Variants in SMIM45 observed in about 807,000 individuals in gnomAD.
SMIM45 encodes the protein small integral membrane protein 45, also known as long intergenic non-protein coding RNA 634.
At chr22:41,958,553 T>G in the SMIM45 span, 2 of 355,594 alleles carry the variant, frequency 5.6e-6, no homozygotes, top group African/African-American at 2.2e-5. Context: ...TGTGTATATG[T>G]GAGAGAGAGT....
At chr22:41,953,740 GTTT>G in the SMIM45 span, among the ~76,000 whole-genome samples, 41 of 89,302 alleles carry the variant, frequency 4.6e-4, no homozygotes, top group African/African-American at 1.3e-3. Flanking sequence ...TCTGTGATCT[GTTT>G]TTTTTTTTTT....
At chr22:41,951,861 TC>T in the SMIM45 span, among the ~76,000 whole-genome samples, 1 of 152,056 alleles carries the variant, frequency 6.6e-6, no homozygotes, top group African/African-American at 2.4e-5. Flanking sequence ...ATCTCCCTGC[TC>T]CCCAAATGGC....
the SMIM45 span, among the ~76,000 whole-genome samples, chr22:41,957,417 T>C: frequency 1.3e-5 from 2 of 150,476 alleles, no homozygotes; most frequent in African/African-American, 4.9e-5. Flanking sequence ...TTAGCCAGGA[T>C]GGTCTTGATC....
At chr22:41,949,059 C>G in the SMIM45 span, among the ~76,000 whole-genome samples, 6 of 151,358 alleles carry the variant, frequency 4.0e-5, no homozygotes, top group African/African-American at 4.8e-5. Context: ...GAGCGAAACT[C>G]CATCACAAAA....
chr22:41,957,778 G>A, the SMIM45 span: 1 of 153,994 alleles, frequency 6.5e-6, no homozygotes, highest in Non-Finnish European at 1.5e-5. Context: ...ACTACTTCGA[G>A]CCGGGCCTGC....
the SMIM45 span, among the ~76,000 whole-genome samples, chr22:41,949,550 G>C: frequency 6.0e-3 from 921 of 152,336 alleles, 4 homozygotes; most frequent in Non-Finnish European, 0.01. Flanking sequence ...AGCTCCCAGA[G>C]ACTGAGGCCC....
the SMIM45 span, chr22:41,958,456 GACC>G: frequency 2.0e-5 from 9 of 450,372 alleles, no homozygotes; most frequent in Admixed American, 9.5e-5. Context: ...AGAGGGATAA[GACC>G]GTGGTAGAGG....
At chr22:41,947,672 T>C in the SMIM45 span, among the ~76,000 whole-genome samples, 1 of 148,486 alleles carries the variant, frequency 6.7e-6, no homozygotes, top group Non-Finnish European at 1.5e-5. Context: ...CCTGGCCCTT[T>C]TTTTTTTTTT....
the SMIM45 span, among the ~76,000 whole-genome samples, chr22:41,956,435 G>C: frequency 6.6e-6 from 1 of 152,040 alleles, no homozygotes. Flanking sequence ...ATATCAACCA[G>C]GTCTCCTTCA....
At chr22:41,948,495 C>T in the SMIM45 span, among the ~76,000 whole-genome samples, 2 of 152,144 alleles carry the variant, frequency 1.3e-5, no homozygotes, top group Non-Finnish European at 2.9e-5. Context: ...CTGTGTCTTG[C>T]TCAGAAAGAT....
At chr22:41,947,142 G>T in the SMIM45 span, 4 of 1,528,912 alleles carry the variant, frequency 2.6e-6, no homozygotes, top group Non-Finnish European at 2.7e-6. Flanking sequence ...CCTGAGTCCA[G>T]CCCCTAGAGC....
the SMIM45 span, among the ~76,000 whole-genome samples, chr22:41,955,616 C>T: frequency 6.6e-6 from 1 of 151,840 alleles, no homozygotes; most frequent in Non-Finnish European, 1.5e-5. Context: ...ACCATCCTGG[C>T]TAACACGGTG....
chr22:41,947,511 G>T, the SMIM45 span, among the ~76,000 whole-genome samples: 1 of 151,782 alleles, frequency 6.6e-6, no homozygotes, highest in Non-Finnish European at 1.5e-5. Context: ...GGGACTACGG[G>T]CGCGCGTCAC....
At chr22:41,958,022 C>A in the SMIM45 span, 1 of 243,432 alleles carries the variant, frequency 4.1e-6, no homozygotes, top group South Asian at 4.1e-5. Flanking sequence ...CCCTCTGCAG[C>A]CTGGGCCCTC....
At chr22:41,958,533 G>A in the SMIM45 span, 1 of 375,032 alleles carries the variant, frequency 2.7e-6, no homozygotes, top group Admixed American at 3.1e-5. Flanking sequence ...GCAAGCATGG[G>A]GAGATGAGAT....
the SMIM45 span, among the ~76,000 whole-genome samples, chr22:41,948,654 C>A: frequency 6.6e-6 from 1 of 152,158 alleles, no homozygotes; most frequent in Non-Finnish European, 1.5e-5. Context: ...CGCCGTGGCT[C>A]ATGCCTATAA....
chr22:41,954,113 T>C, the SMIM45 span, among the ~76,000 whole-genome samples: 2 of 152,106 alleles, frequency 1.3e-5, no homozygotes, highest in African/African-American at 2.4e-5. Flanking sequence ...AAGTGCTACA[T>C]AGTAAGTTTG....
At chr22:41,958,483 G>GGAGAGAGAGA in the SMIM45 span, 829 of 356,006 alleles carry the variant, frequency 2.3e-3, 18 homozygotes, top group African/African-American at 0.017. Flanking sequence ...GGGTTGGTGA[G>GGAGAGAGAGA]GAGAGAGAGA....
the SMIM45 span, among the ~76,000 whole-genome samples, chr22:41,953,688 T>C: frequency 6.7e-6 from 1 of 150,148 alleles, no homozygotes; most frequent in African/African-American, 2.4e-5. Flanking sequence ...GTGGGTTCAA[T>C]AGGCCCTGCA....
Sources: gnomAD v4.1 joint callset for allele counts (sites outside exome capture counted in the v4.1 genomes callset) on GRCh38, gnomAD v4.1.1 for gene constraint, MANE v1.5 for transcripts, NCBI Gene and HGNC (gene_info 2026-07-23, HGNC 2026-07-21) for gene names.